Variants in PCNX2 observed in about 807,000 individuals in gnomAD.
PCNX2 encodes the protein pecanex-like protein 2.
PCNX2 carries 168 observed loss-of-function variants against 223.8 expected under a neutral mutation model. That is an observed-to-expected ratio of 0.75 (90% CI 0.66 to 0.85). The LOEUF is 0.85. PCNX2 is among the 40% of genes least tolerant of loss of function. PCNX2 has a pLI of 0.00. For missense variants in PCNX2, 2,507 were observed against 2,675.5 expected, an observed-to-expected ratio of 0.94 and a Z score of 1.39; for synonymous variants, 1,006 against 1,052.6, an observed-to-expected ratio of 0.96 and a Z score of 0.86.
intron 4 of PCNX2, among the ~76,000 whole-genome samples, chr1:233,259,568 T>C (rs760160224): frequency 5.9e-5 from 9 of 152,176 alleles, no homozygotes; most frequent in Non-Finnish European, 1.2e-4. Flanking sequence ...CAACCCGTCA[T>C]CTAGGTTTTC....
At chr1:232,985,484 TAGG>T (rs1558141652) in intron 33 of PCNX2, 1 of 157,240 alleles carries the variant, frequency 6.4e-6, no homozygotes, top group East Asian at 1.9e-4. Flanking sequence ...CCAGGTCACA[TAGG>T]AGCACTGCTG....
rs1414650544 is a variant in PCNX2, at chr1:233,095,803, C to G, written c.3898G>C (p.Ala1300Pro). 1.2e-6 allele frequency: 2 copies of G among 1,612,842 alleles called. No individual in the cohort carries two copies. The highest frequency in any genetic ancestry group is 1.7e-6 in the Non-Finnish European group (2 of 1,179,428). The change falls in exon 22 of 34, where the codon GCT (alanine) becomes CCT (proline). Residue 1300 changes from alanine (A) to proline (P), a missense_variant. Transcript: ENST00000258229. ...AACACGTGAAACGAAGAACCCCAAG[C>G]CATCTGCCAAGGAGCCACATATGTC... The part of the protein sequence containing the change: ...VLTYVAPWQM[A>P]WGSSFHVFAQ...
At chr1:233,137,707 A>G (rs1362950516) in intron 20 of PCNX2, among the ~76,000 whole-genome samples, 1 of 152,162 alleles carries the variant, frequency 6.6e-6, no homozygotes, top group African/African-American at 2.4e-5. Flanking sequence ...AGGTTTTATA[A>G]AGGCTGAGGT....
intron 21 of PCNX2, among the ~76,000 whole-genome samples, chr1:233,130,528 A>G (rs2102756933): frequency 6.7e-6 from 1 of 148,634 alleles, no homozygotes; most frequent in East Asian, 2.0e-4. Context: ...CTTGTTGCCC[A>G]GGCTGGAGTG....
Position 233,283,459 on chromosome 1 carries a change from T to G in PCNX2, c.153+11867A>C, listed in dbSNP as rs1242664672. 2.6e-5 allele frequency among the ~76,000 whole-genome samples: 4 copies of G among 152,130 alleles called. No individual in the cohort carries two copies. In the East Asian group the frequency reaches 7.7e-4, roughly 29 times the overall value. ...TCTTCCAGGGCTGGGGCAGGGAAAGTACGAGCTAAGCCAGGAATATCTTGT... is the reference window on the plus strand; with the variant it reads ...TCTTCCAGGGCTGGGGCAGGGAAAGGACGAGCTAAGCCAGGAATATCTTGT... On this transcript the variant is annotated intron_variant, in intron 1 of 33. Transcript: ENST00000258229.
At chr1:233,250,305 A>C (rs536272547) in intron 8 of PCNX2, among the ~76,000 whole-genome samples, 8 of 152,358 alleles carry the variant, frequency 5.3e-5, no homozygotes, top group Non-Finnish European at 8.8e-5. Context: ...AGTTATTCAA[A>C]GCATTCTGAA....
chr1:233,099,463 A>C (rs1488053526), intron 21 of PCNX2, among the ~76,000 whole-genome samples: 1 of 152,206 alleles, frequency 6.6e-6, no homozygotes, highest in African/African-American at 2.4e-5. Flanking sequence ...GATACTACCC[A>C]AAAAGCCTGA....
intron 23 of PCNX2, among the ~76,000 whole-genome samples, chr1:233,085,957 T>C (rs1673580821): frequency 6.6e-6 from 1 of 152,216 alleles, no homozygotes; most frequent in African/African-American, 2.4e-5. Flanking sequence ...AATTGTTTCC[T>C]GTTGTTTTAA....
Position 233,025,171 on chromosome 1 carries a change from C to T in PCNX2, c.4580G>A (p.Arg1527Lys), listed in dbSNP as rs1671036541. Residue 1527 changes from arginine (R) to lysine (K), a missense_variant, in exon 26 of 34, where the codon AGG becomes AAG. Physicochemically the swap from Arg to Lys is conservative, Grantham distance 26. Around this residue, in one of 3 missense-constraint regions of PCNX2, gnomAD observed 1,372 missense variants for 1,509.4 expected, o/e 0.91. Coordinates refer to ENST00000258229, the MANE Select transcript of PCNX2 (RefSeq NM_014801.4). ...ATMLQVFDLR[R>K]ILIRYYIKSI... ...CTTGATGTAGTAGCGGATGAGGATC[C>T]TTCGGAGGTCAAACACCTGCAGCAT... 6.2e-7 allele frequency: 1 copy of T among 1,613,990 alleles called. No individual in the cohort carries two copies.
At chr1:233,278,865 A>C (rs568094425) in intron 1 of PCNX2, among the ~76,000 whole-genome samples, 1 of 152,094 alleles carries the variant, frequency 6.6e-6, no homozygotes, top group Admixed American at 6.5e-5. Flanking sequence ...TGTAGGATGC[A>C]CCCCACTCCT....
chr1:233,074,294 CA>C (rs1257310140), intron 23 of PCNX2, among the ~76,000 whole-genome samples: 2 of 152,262 alleles, frequency 1.3e-5, no homozygotes, highest in African/African-American at 2.4e-5. Context: ...CTTTGCAAAA[CA>C]TTTTGTTAAG....
chr1:233,273,749 G>A lies in PCNX2; in HGVS notation c.154-10586C>T, dbSNP rs1040767821. Among the ~76,000 whole-genome samples the A allele has an allele frequency of 7.9e-5, 12 of 151,754 alleles. No individual in the cohort carries two copies. In the East Asian group the frequency reaches 1.6e-3, roughly 20 times the overall value. ...AGCGATTCTCCTGCCTCAGCCTCCCGAGTACCTGGGATTACAGGCGCCTGC... is the reference window on the plus strand; with the variant it reads ...AGCGATTCTCCTGCCTCAGCCTCCCAAGTACCTGGGATTACAGGCGCCTGC... On this transcript the variant is annotated intron_variant, in intron 1 of 33. Coordinates refer to ENST00000258229, the MANE Select transcript of PCNX2 (RefSeq NM_014801.4).
chr1:233,122,129 GAC>G (rs1262864605), intron 21 of PCNX2, among the ~76,000 whole-genome samples: 3 of 151,358 alleles, frequency 2.0e-5, no homozygotes, highest in Admixed American at 6.6e-5. Context: ...GAGAGAGAGA[GAC>G]AGAGAGACAT....
Position 233,236,939 on chromosome 1 carries a change from C to G in PCNX2, c.2264G>C (p.Ser755Thr). Reference sequence around the variant, plus strand: ...AGGGTCCCCAGAAGACGGATCTTGACTCTCAGAAGTTGTGGTACTGGAGGA... The same window carrying G: ...AGGGTCCCCAGAAGACGGATCTTGAGTCTCAGAAGTTGTGGTACTGGAGGA... Reference protein sequence around the residue: ...VSSSSTTTSESQDPSSGDPAV... With the variant: ...VSSSSTTTSETQDPSSGDPAV... Residue 755 changes from serine to threonine, a missense_variant, in exon 9 of 34, where the codon AGT (serine) becomes ACT (threonine). By Grantham distance (58) the Ser-to-Thr change is moderately conservative (BLOSUM62 1). Transcript: ENST00000258229. 6.2e-7 allele frequency: 1 copy of G among 1,613,998 alleles called. No homozygotes were observed. The highest frequency in any genetic ancestry group is 8.5e-7 in the Non-Finnish European group (1 of 1,179,870).
intron 32 of PCNX2, among the ~76,000 whole-genome samples, chr1:232,992,453 GA>G (rs1224785021): frequency 6.6e-6 from 1 of 152,228 alleles, no homozygotes; most frequent in Admixed American, 6.5e-5. Context: ...CAGCTGCACA[GA>G]TGGAGGGCAG....
chr1:233,102,073 T>A (rs1453921705), intron 21 of PCNX2, among the ~76,000 whole-genome samples: 2 of 149,670 alleles, frequency 1.3e-5, no homozygotes, highest in Non-Finnish European at 3.0e-5. Context: ...AGTAAATGCA[T>A]GAGATTCATT....
chr1:233,215,304 T>C (rs963218315), intron 12 of PCNX2, among the ~76,000 whole-genome samples: 1 of 152,214 alleles, frequency 6.6e-6, no homozygotes, highest in African/African-American at 2.4e-5. Context: ...ACTGGAGAAA[T>C]GCCAACTCAA....
chr1:233,035,207 C>T (rs950405238), intron 25 of PCNX2, among the ~76,000 whole-genome samples: 1 of 152,152 alleles, frequency 6.6e-6, no homozygotes, highest in Non-Finnish European at 1.5e-5. Context: ...CCATTAAAGT[C>T]GAAACGCACA....
chr1:233,011,939 G>T (rs1263043983), intron 28 of PCNX2, among the ~76,000 whole-genome samples: 2 of 152,138 alleles, frequency 1.3e-5, no homozygotes, highest in Non-Finnish European at 2.9e-5. Flanking sequence ...GACCCCTCAT[G>T]TAGAAGCCAG....
Sources: gnomAD v4.1 joint callset for allele counts (sites outside exome capture counted in the v4.1 genomes callset) on GRCh38, gnomAD v4.1.1 for gene constraint, gnomAD v4.1.1 regional missense constraint, MANE v1.5 for transcripts, NCBI Gene and HGNC (gene_info 2026-07-23, HGNC 2026-07-21) for gene names.